Variants in LINGO2 observed in about 807,000 individuals in gnomAD.
LINGO2 encodes the protein leucine-rich repeat and immunoglobulin-like domain-containing nogo receptor-interacting protein 2.
A neutral mutation model predicts 30.6 loss-of-function variants in LINGO2; 14 were observed. The ratio of observed to expected loss-of-function variants is 0.46; its 90% CI spans 0.30 to 0.72. The LOEUF (loss-of-function observed/expected upper bound fraction) is 0.72. Ranked by LOEUF, LINGO2 falls within the 30% of genes least tolerant of loss-of-function variation. The pLI is 0.07. For synonymous variants in LINGO2, 317 were observed against 288.5 expected, an observed-to-expected ratio of 1.10 and a Z score of -1.00; for missense variants, 729 against 751.7, an observed-to-expected ratio of 0.97 and a Z score of 0.35.
At chr9:28,505,651 G>C (rs1180267354) in intron 1 of LINGO2, among the ~76,000 whole-genome samples, 1 of 151,772 alleles carries the variant, frequency 6.6e-6, no homozygotes, top group Non-Finnish European at 1.5e-5. Context: ...ACAATAAATA[G>C]TGCATTTACC....
chr9:28,510,236 T>C (rs1820316241), intron 1 of LINGO2, among the ~76,000 whole-genome samples: 1 of 152,180 alleles, frequency 6.6e-6, no homozygotes, highest in Non-Finnish European at 1.5e-5. Context: ...CCTCATGCAA[T>C]TGAAAACCCA....
chr9:28,943,658 G>C, the LINGO2 span, among the ~76,000 whole-genome samples: 2 of 151,582 alleles, frequency 1.3e-5, no homozygotes, highest in Non-Finnish European at 1.5e-5. Flanking sequence ...TGCATGAAAG[G>C]TAAGTGCTGT....
intron 5 of LINGO2, among the ~76,000 whole-genome samples, chr9:28,010,489 A>G (rs1822500349): frequency 6.6e-6 from 1 of 152,146 alleles, no homozygotes; most frequent in Non-Finnish European, 1.5e-5. Context: ...CTTACATGGA[A>G]ACTCAATGTA....
the LINGO2 span, among the ~76,000 whole-genome samples, chr9:29,211,092 G>A: frequency 3.3e-5 from 5 of 151,976 alleles, no homozygotes; most frequent in East Asian, 1.9e-4. Flanking sequence ...GTAATTTTTG[G>A]TCTTCCTTTA....
the LINGO2 span, among the ~76,000 whole-genome samples, chr9:28,799,329 G>A: frequency 6.6e-5 from 10 of 152,026 alleles, no homozygotes; most frequent in Admixed American, 5.3e-4. Context: ...TGCTTTTTGA[G>A]CAAGATAGAG....
the LINGO2 span, among the ~76,000 whole-genome samples, chr9:28,846,925 GA>G: frequency 0.17 from 23,261 of 139,292 alleles, 3,397 homozygotes; most frequent in East Asian, 0.37. Context: ...AAGAGTGAAG[GA>G]AAAAAAAAAA....
chr9:29,067,072 A>G, the LINGO2 span, among the ~76,000 whole-genome samples: 1 of 151,862 alleles, frequency 6.6e-6, no homozygotes, highest in Admixed American at 6.6e-5. Context: ...TGTAGGAAAA[A>G]CAGAGAAAGA....
At chr9:28,362,540 A>T (rs967652754) in intron 3 of LINGO2, among the ~76,000 whole-genome samples, 2 of 150,980 alleles carry the variant, frequency 1.3e-5, no homozygotes, top group African/African-American at 4.9e-5. Flanking sequence ...GCGTGATCTC[A>T]GCTCACCGCA....
chr9:28,942,312 C>T, the LINGO2 span, among the ~76,000 whole-genome samples: 3 of 152,216 alleles, frequency 2.0e-5, no homozygotes, highest in South Asian at 6.2e-4. Flanking sequence ...AAAACTATAA[C>T]TTGGTGGTAG....
At chr9:28,962,146 A>C in the LINGO2 span, among the ~76,000 whole-genome samples, 1 of 149,130 alleles carries the variant, frequency 6.7e-6, no homozygotes, top group Non-Finnish European at 1.5e-5. Context: ...TACTGGTAAA[A>C]TATTTTTTTA....
the LINGO2 span, among the ~76,000 whole-genome samples, chr9:28,972,210 T>C: frequency 6.6e-6 from 1 of 152,174 alleles, no homozygotes; most frequent in Non-Finnish European, 1.5e-5. Context: ...AACACTGTAA[T>C]ATATGCCTAA....
At chr9:28,141,338 T>C (rs1034286030) in intron 4 of LINGO2, among the ~76,000 whole-genome samples, 4 of 152,198 alleles carry the variant, frequency 2.6e-5, no homozygotes, top group African/African-American at 9.7e-5. Context: ...AAATGTGGTG[T>C]GGGAACGTTG....
At chr9:28,861,492 A>G in the LINGO2 span, among the ~76,000 whole-genome samples, 1 of 150,318 alleles carries the variant, frequency 6.7e-6, no homozygotes, top group Non-Finnish European at 1.5e-5. Context: ...CTTGTCCATA[A>G]CAGGAGACCT....
chr9:28,163,396 G>A lies in LINGO2; in HGVS notation c.-87+131812C>T, dbSNP rs368440155. Reference sequence around the variant, plus strand: ...ACTGATAACTTGAAAGCAATGTAATGTGAATGCAAAGTCTTTGTTATTTTT... The same window carrying A: ...ACTGATAACTTGAAAGCAATGTAATATGAATGCAAAGTCTTTGTTATTTTT... On this transcript the variant is annotated intron_variant, in intron 4 of 5. Transcript: ENST00000379992. Among the ~76,000 whole-genome samples the A allele has an allele frequency of 3.3e-5, 5 of 152,244 alleles. No individual in the cohort carries two copies. In the East Asian group the frequency reaches 7.7e-4, roughly 24 times the overall value.
chr9:28,581,473 G>C (rs556725176), intron 1 of LINGO2, among the ~76,000 whole-genome samples: 6 of 150,618 alleles, frequency 4.0e-5, no homozygotes. Context: ...AAAATCCAAA[G>C]GTCTAAACCC....
the LINGO2 span, among the ~76,000 whole-genome samples, chr9:28,896,017 G>A: frequency 6.6e-6 from 1 of 152,054 alleles, no homozygotes; most frequent in Admixed American, 6.6e-5. Context: ...ATGACATTAA[G>A]CGTTCAGAAT....
intron 2 of LINGO2, among the ~76,000 whole-genome samples, chr9:28,475,014 A>T (rs1195649682): frequency 1.3e-5 from 2 of 152,166 alleles, no homozygotes. Flanking sequence ...TTCAATCTAC[A>T]ATGCATTAAA....
chr9:28,319,963 A>C (rs1824980520), intron 3 of LINGO2, among the ~76,000 whole-genome samples: 1 of 152,168 alleles, frequency 6.6e-6, no homozygotes, highest in Non-Finnish European at 1.5e-5. Flanking sequence ...TAGGGCTTAA[A>C]GTACTAGAAT....
At chr9:29,114,373 T>A in the LINGO2 span, among the ~76,000 whole-genome samples, 1 of 128,856 alleles carries the variant, frequency 7.8e-6, no homozygotes, top group Non-Finnish European at 1.6e-5. Flanking sequence ...ACAGAGCATT[T>A]TTTTCTTTTA....
Sources: gnomAD v4.1 joint callset for allele counts (sites outside exome capture counted in the v4.1 genomes callset) on GRCh38, gnomAD v4.1.1 for gene constraint, MANE v1.5 for transcripts, NCBI Gene and HGNC (gene_info 2026-07-23, HGNC 2026-07-21) for gene names.